RBM20: variants seen among roughly 807,000 people sequenced by gnomAD.
RBM20 encodes RNA binding motif protein 20.
A neutral mutation model predicts 110.1 loss-of-function variants in RBM20; 51 were observed. That is an observed-to-expected ratio of 0.46 (90% CI 0.37 to 0.59). The LOEUF (loss-of-function observed/expected upper bound fraction) is 0.59, where lower values mean the gene tolerates loss of function less well. Among genes scored for constraint, RBM20 ranks in the 20% least tolerant of loss-of-function variants. RBM20 has a pLI of 0.00. For missense variants in RBM20, 1,512 were observed against 1,574.9 expected (o/e 0.96, Z 0.68); for synonymous variants, 589 against 618.2 (o/e 0.95, Z 0.70).
At chr10:110,764,754 CCAA>C (rs1210318724) in intron 1 of RBM20, among the ~76,000 whole-genome samples, 24 of 152,172 alleles carry the variant, frequency 1.6e-4, no homozygotes, top group Non-Finnish European at 3.4e-4. Flanking sequence ...TGCGCAACAC[CCAA>C]AATGACTCCA....
intron 1 of RBM20, among the ~76,000 whole-genome samples, chr10:110,710,836 T>C (rs1862915606): frequency 6.6e-6 from 1 of 152,022 alleles, no homozygotes; most frequent in South Asian, 2.1e-4. Flanking sequence ...TTCATGTGAG[T>C]CCCAGGCTCT....
intron 1 of RBM20, among the ~76,000 whole-genome samples, chr10:110,655,053 A>G (rs1206471036): frequency 2.0e-4 from 30 of 152,230 alleles, no homozygotes; most frequent in Admixed American, 1.8e-3. Context: ...GTATTTATGA[A>G]AACATGGTGG....
intron 1 of RBM20, among the ~76,000 whole-genome samples, chr10:110,699,724 C>T (rs184258107): frequency 2.0e-3 from 301 of 152,210 alleles, no homozygotes; most frequent in African/African-American, 6.7e-3. Flanking sequence ...ATACCTGAAA[C>T]TGCAAATAGT....
intron 1 of RBM20, among the ~76,000 whole-genome samples, chr10:110,720,020 T>C (rs1441632180): frequency 6.6e-6 from 1 of 152,084 alleles, no homozygotes; most frequent in African/African-American, 2.4e-5. Flanking sequence ...TGTACCCTCC[T>C]ATGGCAAGAG....
rs139664082 is a variant in RBM20, at chr10:110,758,541, G to A, written c.192-22260G>A. Reference sequence around the variant, plus strand: ...GGACATATGGTTCACTCTCTGTGAGGTGGCCTCTTTGAGAAGATGACAGTA... The same window carrying A: ...GGACATATGGTTCACTCTCTGTGAGATGGCCTCTTTGAGAAGATGACAGTA... On this transcript the variant is annotated intron_variant, in intron 1 of 13. Coordinates refer to ENST00000369519, the MANE Select transcript of RBM20 (RefSeq NM_001134363.3). Among the ~76,000 whole-genome samples, 901 of 152,188 alleles carry A rather than the reference G, an allele frequency of 5.9e-3. 4 individuals are homozygous for A. Among genetic ancestry groups the A allele is most frequent in the African/African-American group, 0.02 (846 of 41,516 alleles).
chr10:110,654,607 G>T (rs1321093730), intron 1 of RBM20, among the ~76,000 whole-genome samples: 1 of 151,636 alleles, frequency 6.6e-6, no homozygotes, highest in Admixed American at 6.6e-5. Context: ...GCCTAAACTG[G>T]GTGAGTCTTG....
At chr10:110,727,034 G>T (rs149243364) in intron 1 of RBM20, among the ~76,000 whole-genome samples, 183 of 151,946 alleles carry the variant, frequency 1.2e-3, no homozygotes, top group Middle Eastern at 6.8e-3. Context: ...TTTTAGCAGA[G>T]ACAGGGTTTC....
intron 1 of RBM20, among the ~76,000 whole-genome samples, chr10:110,764,290 CA>C (rs1208087913): frequency 6.6e-6 from 1 of 152,014 alleles, no homozygotes; most frequent in African/African-American, 2.4e-5. Context: ...AACAAACAAA[CA>C]GACCACCACC....
intron 13 of RBM20, chr10:110,835,598 G>A (rs1357077513): frequency 4.5e-6 from 1 of 223,574 alleles, no homozygotes; most frequent in Non-Finnish European, 8.8e-6. Flanking sequence ...GGCCTCCCAA[G>A]TGCTGGGATT....
Position 110,764,982 on chromosome 10 carries a change from C to A in RBM20, c.192-15819C>A, listed in dbSNP as rs190318332. 4.3e-3 allele frequency among the ~76,000 whole-genome samples: 654 copies of A among 152,086 alleles called. 6 individuals carry two copies. Among genetic ancestry groups the A allele is most frequent in the African/African-American group, 0.015 (616 of 41,478 alleles). On this transcript the variant is annotated intron_variant, in intron 1 of 13. Coordinates refer to ENST00000369519, the MANE Select transcript of RBM20 (RefSeq NM_001134363.3). The stretch of plus-strand genomic sequence containing the variant: ...AGTATGCGATTTGTCTGTGTCCCCA[C>A]CCCCTCCGTTTTAAAAAAAAATTAA...
rs925468347 is a variant in RBM20 at position 110,746,828 on chromosome 10, G to T, written c.192-33973G>T. ...ATCCCATCACAATGGACTCAATCATGAAGAAAAATATCGTTTGTAATAAAA... is the reference window on the plus strand; with the variant it reads ...ATCCCATCACAATGGACTCAATCATTAAGAAAAATATCGTTTGTAATAAAA... On this transcript the variant is annotated intron_variant, in intron 1 of 13. Coordinates refer to ENST00000369519, the MANE Select transcript of RBM20 (RefSeq NM_001134363.3). 7.9e-5 allele frequency among the ~76,000 whole-genome samples: 12 copies of T among 152,286 alleles called. 1 individual carries two copies. Among genetic ancestry groups the T allele is most frequent in the Admixed American group, 7.2e-4 (11 of 15,298 alleles).
chr10:110,713,275 A>C (rs1206010106), intron 1 of RBM20, among the ~76,000 whole-genome samples: 2 of 152,240 alleles, frequency 1.3e-5, no homozygotes, highest in Non-Finnish European at 2.9e-5. Flanking sequence ...GTGTGGTCCT[A>C]AACAAGTCTG....
rs1564804189 is a variant in RBM20, at chr10:110,644,582, A to AGGC, written c.129_130insGCG (p.Gln43_Pro44insAla). 6.6e-7 allele frequency: 1 copy of AGGC among 1,523,760 alleles called. No individual in the cohort carries two copies. The highest frequency in any genetic ancestry group is 1.2e-5 in the South Asian group (1 of 82,234). 94.4% of individuals were successfully genotyped at this position (1,523,760 alleles called of 1,614,324 possible). ...CCCTCCGGCCCGCGAGGGATGCAGCAGCCGCCGCCGCCGCCCCAGCCACCG... is the reference window on the plus strand; with the variant it reads ...CCCTCCGGCCCGCGAGGGATGCAGCAGGCGCCGCCGCCGCCGCCCCAGCCACCG... On this transcript the variant is annotated inframe_insertion, in exon 1 of 14. Coordinates refer to ENST00000369519, the MANE Select transcript of RBM20 (RefSeq NM_001134363.3). This position sits in a 1 kb window ranked among gnomAD's most constrained non-coding sequence, Gnocchi z 4.3.
chr10:110,720,115 C>T (rs1356393356), intron 1 of RBM20, among the ~76,000 whole-genome samples: 1 of 152,170 alleles, frequency 6.6e-6, no homozygotes, highest in Non-Finnish European at 1.5e-5. Context: ...ACCTAATCAC[C>T]TCCTAAAGCC....
In RBM20 at chr10:110,797,674, T is replaced by C; in HGVS notation, c.1668+26T>C. 1.9e-6 allele frequency: 3 copies of C among 1,548,744 alleles called. 1 individual carries two copies. In the South Asian group the frequency reaches 3.6e-5, roughly 18 times the overall value. On this transcript the variant is annotated intron_variant, in intron 6 of 13. Transcript: ENST00000369519. ...GTAGGTCTGGGTACTTTCACTCCAGTGTATATGCCACAGACCACACATTAG... is the reference window on the plus strand; with the variant it reads ...GTAGGTCTGGGTACTTTCACTCCAGCGTATATGCCACAGACCACACATTAG...
At chr10:110,795,126 A>AG (rs1364024929) in intron 5 of RBM20, among the ~76,000 whole-genome samples, 1 of 152,246 alleles carries the variant, frequency 6.6e-6, no homozygotes, top group Non-Finnish European at 1.5e-5. Flanking sequence ...CAGAGCACCT[A>AG]GCCTCAGCCG....
rs571109959 is a variant in RBM20, at chr10:110,767,504, G to C, written c.192-13297G>C. Among the ~76,000 whole-genome samples, 14 of 141,594 alleles carry C rather than the reference G, an allele frequency of 9.9e-5. No individual in the cohort carries two copies. In the South Asian group the frequency reaches 2.8e-3, roughly 28 times the overall value. 92.9% of individuals were successfully genotyped at this position (141,594 alleles called of 152,430 possible). The stretch of plus-strand genomic sequence containing the variant: ...CTCACTTCTCAGACGGGGCGGCTGC[G>C]GGGCGGAGGGGCTCCTCACTTCTCA... On this transcript the variant is annotated intron_variant, in intron 1 of 13. Coordinates refer to ENST00000369519, the MANE Select transcript of RBM20 (RefSeq NM_001134363.3).
At chr10:110,758,721 C>G (rs1022775447) in intron 1 of RBM20, among the ~76,000 whole-genome samples, 2 of 152,106 alleles carry the variant, frequency 1.3e-5, no homozygotes, top group African/African-American at 4.8e-5. Context: ...GCTAACGCAA[C>G]TGAGGAGCTG....
At chr10:110,817,256 A>C (rs1306543759) in intron 9 of RBM20, among the ~76,000 whole-genome samples, 1 of 152,218 alleles carries the variant, frequency 6.6e-6, no homozygotes, top group Non-Finnish European at 1.5e-5. Context: ...GCTGCCATGC[A>C]GGAACGCATG....
Sources: allele counts gnomAD v4.1 joint callset (sites outside exome capture counted in the v4.1 genomes callset), GRCh38; gene constraint gnomAD v4.1.1; non-coding constraint Gnocchi (gnomAD v3.1); transcripts MANE v1.5; gene names NCBI Gene and HGNC (gene_info 2026-07-23, HGNC 2026-07-21).